Variants in GTPBP10 observed in about 807,000 individuals in gnomAD.
GTPBP10 encodes the protein GTP binding protein 10.
In GTPBP10, 38 loss-of-function variants were observed where a neutral mutation model predicts 44.8. The observed-to-expected ratio is 0.85, with a 90% CI of 0.65 to 1.11. The LOEUF (loss-of-function observed/expected upper bound fraction) is 1.11. Ranked by LOEUF, GTPBP10 falls within the 50% of genes most tolerant of loss-of-function variation. The pLI is 0.00. For missense variants in GTPBP10, 462 were observed against 453.7 expected (o/e 1.02, Z -0.17); for synonymous variants, 152 against 150.6 (o/e 1.01, Z -0.07).
intron 1 of GTPBP10, among the ~76,000 whole-genome samples, chr7:90,350,280 A>G (rs893923588): frequency 6.6e-6 from 1 of 152,046 alleles, no homozygotes; most frequent in African/African-American, 2.4e-5. Flanking sequence ...TATGTGCCAC[A>G]TTTTCTTAAT....
intron 4 of GTPBP10, among the ~76,000 whole-genome samples, chr7:90,359,861 T>A (rs1795978790): frequency 6.6e-6 from 1 of 152,216 alleles, no homozygotes; most frequent in African/African-American, 2.4e-5. Flanking sequence ...GGTATCTCCT[T>A]GTGGTTTTGA....
intron 4 of GTPBP10, among the ~76,000 whole-genome samples, chr7:90,365,904 C>G (rs1796125748): frequency 6.6e-6 from 1 of 152,170 alleles, no homozygotes. Context: ...GTGGGTTTGT[C>G]ATAAATAGCC....
intron 9 of GTPBP10, among the ~76,000 whole-genome samples, chr7:90,384,084 C>T (rs1357873531): frequency 2.6e-5 from 4 of 152,126 alleles, no homozygotes; most frequent in Admixed American, 6.6e-5. Flanking sequence ...AGAGGAAATA[C>T]CGAAAGTGAG....
intron 9 of GTPBP10, chr7:90,383,611 A>G (rs906779430): frequency 6.6e-6 from 1 of 152,206 alleles, no homozygotes; most frequent in Admixed American, 6.5e-5. Flanking sequence ...TGTGACTCCA[A>G]AATGATTTAT....
At chr7:90,371,844 A>G (rs1197166848) in intron 4 of GTPBP10, among the ~76,000 whole-genome samples, 1 of 152,056 alleles carries the variant, frequency 6.6e-6, no homozygotes, top group African/African-American at 2.4e-5. Flanking sequence ...AGCTGGAGTT[A>G]GAAAGTTACA....
chr7:90,364,544 T>A (rs1796093243), intron 4 of GTPBP10, among the ~76,000 whole-genome samples: 1 of 152,184 alleles, frequency 6.6e-6, no homozygotes, highest in Non-Finnish European at 1.5e-5. Flanking sequence ...CTGCCCTTAC[T>A]GGGGGTTGCC....
rs1347730316 is a variant in GTPBP10 at position 90,354,520 on chromosome 7, C to T, written c.290C>T (p.Ser97Leu). 2.5e-6 allele frequency: 4 copies of T among 1,584,506 alleles called. No individual in the cohort carries two copies. Among genetic ancestry groups the T allele is most frequent in the Non-Finnish European group, 3.4e-6 (4 of 1,164,620 alleles). ...DCEIPVPVGI[S>L]VTDENGKIIG... Reference sequence around the variant, plus strand: ...GAAATCCCTGTGCCTGTGGGTATTTCAGTAACTGATGAAAATGGTAAAATT... The same window carrying T: ...GAAATCCCTGTGCCTGTGGGTATTTTAGTAACTGATGAAAATGGTAAAATT... Residue 97 changes from serine to leucine, a missense_variant, in exon 3 of 10, where the codon TCA becomes TTA. Transcript: ENST00000222511.
intron 4 of GTPBP10, among the ~76,000 whole-genome samples, chr7:90,370,806 C>A (rs1218044167): frequency 6.6e-6 from 1 of 152,122 alleles, no homozygotes; most frequent in Non-Finnish European, 1.5e-5. Flanking sequence ...GAGATTGAGA[C>A]CATCCTGGCT....
chr7:90,370,113 A>T (rs769770259), intron 4 of GTPBP10, among the ~76,000 whole-genome samples: 22 of 152,096 alleles, frequency 1.4e-4, no homozygotes, highest in Non-Finnish European at 3.2e-4. Flanking sequence ...GTGAGAATGC[A>T]AATTAGTACA....
At chr7:90,371,945 C>T (rs1424072235) in intron 4 of GTPBP10, among the ~76,000 whole-genome samples, 1 of 151,822 alleles carries the variant, frequency 6.6e-6, no homozygotes, top group Non-Finnish European at 1.5e-5. Context: ...AATTATTATA[C>T]ACTTTAAATA....
At chr7:90,353,147 A>G in intron 2 of GTPBP10, 138 bp downstream of exon 2, 3 of 549,652 alleles carry the variant, frequency 5.5e-6, no homozygotes, top group South Asian at 3.2e-5. Context: ...AAAGCCTAAA[A>G]TGTCTCAACT....
At chr7:90,353,109 A>G in intron 2 of GTPBP10, 100 bp downstream of exon 2, 1 of 749,430 alleles carries the variant, frequency 1.3e-6, no homozygotes. Flanking sequence ...ATTTGAAGTA[A>G]ATTATTTCCT....
At chr7:90,376,774 A>G (rs1252892527) in intron 6 of GTPBP10, among the ~76,000 whole-genome samples, 1 of 152,236 alleles carries the variant, frequency 6.6e-6, no homozygotes, top group Non-Finnish European at 1.5e-5. Context: ...TTGGTGCCAA[A>G]TAAATAATTA....
chr7:90,378,677 C>T (rs1035496129), intron 8 of GTPBP10, among the ~76,000 whole-genome samples: 1 of 152,068 alleles, frequency 6.6e-6, no homozygotes, highest in Non-Finnish European at 1.5e-5. Flanking sequence ...TTGATGACTG[C>T]CAGATCTGTA....
At chr7:90,351,815 C>T (rs1795796211) in intron 1 of GTPBP10, among the ~76,000 whole-genome samples, 1 of 152,244 alleles carries the variant, frequency 6.6e-6, no homozygotes, top group East Asian at 1.9e-4. Flanking sequence ...CCTGCCTCAG[C>T]CTGCAGAGTA....
At position 90,378,901 on chromosome 7, in the gene GTPBP10, C is replaced by T. The variant is rs1426433101; in HGVS notation, c.777+690C>T. Among the ~76,000 whole-genome samples the T allele has an allele frequency of 3.3e-5, 5 of 152,182 alleles. No individual in the cohort carries two copies. In the East Asian group the frequency reaches 7.7e-4, roughly 24 times the overall value. Reference sequence around the variant, plus strand: ...TATTTTTAGTAGAGACAGGGTTTCACCATGTTGGCCAGGCTGGTCTCAAAC... The same window carrying T: ...TATTTTTAGTAGAGACAGGGTTTCATCATGTTGGCCAGGCTGGTCTCAAAC... On this transcript the variant is annotated intron_variant, in intron 8 of 9. Coordinates refer to ENST00000222511, the MANE Select transcript of GTPBP10 (RefSeq NM_033107.4).
At chr7:90,367,724 CTCTT>C (rs1241619101) in intron 4 of GTPBP10, among the ~76,000 whole-genome samples, 1 of 152,162 alleles carries the variant, frequency 6.6e-6, no homozygotes, top group African/African-American at 2.4e-5. Flanking sequence ...TGGGTCTTGA[CTCTT>C]TATCCAGTTT....
In GTPBP10 at chr7:90,370,880, G is replaced by A. The variant is rs1019519271; in HGVS notation, c.465-1275G>A. The stretch of plus-strand genomic sequence containing the variant: ...AAATTAGCCAGGCATTGTGGCGGGC[G>A]CCTGTAGTCCCATCTACTTGGGAGG... On this transcript the variant is annotated intron_variant, in intron 4 of 9. Coordinates refer to ENST00000222511, the MANE Select transcript of GTPBP10 (RefSeq NM_033107.4). Among the ~76,000 whole-genome samples, 6 of 151,740 alleles carry A rather than the reference G, an allele frequency of 4.0e-5. No homozygotes were observed. The East Asian group carries it at 5.8e-4, about 15-fold the overall frequency.
intron 7 of GTPBP10, 96 bp from the exon 8 acceptor site, chr7:90,378,037 TG>T: frequency 2.1e-6 from 3 of 1,396,602 alleles, no homozygotes; most frequent in Non-Finnish European, 2.9e-6. Flanking sequence ...ATAGAGAAAT[TG>T]TTTTTAGCTT....
Sources: allele counts gnomAD v4.1 joint callset (sites outside exome capture counted in the v4.1 genomes callset), GRCh38; gene constraint gnomAD v4.1.1; transcripts MANE v1.5; gene names NCBI Gene and HGNC (gene_info 2026-07-23, HGNC 2026-07-21).